The following SPOCK1 variants were observed in gnomAD, a reference collection of about 807,000 sequenced individuals.
SPOCK1 encodes the protein SPARC (osteonectin), cwcv and kazal like domains proteoglycan 1.
In SPOCK1, 23 loss-of-function variants were observed where a neutral mutation model predicts 55.3. That is an observed-to-expected ratio of 0.42 (90% CI 0.30 to 0.59). SPOCK1 has a LOEUF of 0.59. SPOCK1 is among the 20% of genes least tolerant of loss of function. The pLI is 0.22. For missense variants in SPOCK1, 499 were observed against 552.5 expected (o/e 0.90, Z 0.97); for synonymous variants, 226 against 221.0 (o/e 1.02, Z -0.20).
At chr5:137,361,419 A>C (rs1750941297) in intron 2 of SPOCK1, among the ~76,000 whole-genome samples, 1 of 152,222 alleles carries the variant, frequency 6.6e-6, no homozygotes, top group Non-Finnish European at 1.5e-5. Flanking sequence ...GGGATATAAG[A>C]GGCACTAAGG....
chr5:137,061,751 G>T (rs1752396866), intron 6 of SPOCK1, among the ~76,000 whole-genome samples: 1 of 151,978 alleles, frequency 6.6e-6, no homozygotes, highest in African/African-American at 2.4e-5. Context: ...GAGTGGAGGG[G>T]GCGGGTGGGA....
intron 3 of SPOCK1, among the ~76,000 whole-genome samples, chr5:137,226,614 T>C (rs541060996): frequency 1.3e-5 from 2 of 152,242 alleles, no homozygotes; most frequent in East Asian, 1.9e-4. Flanking sequence ...AGACTTTCAT[T>C]TTCACAGCTT....
At chr5:137,440,614 T>TA (rs1290021785) in intron 2 of SPOCK1, among the ~76,000 whole-genome samples, 2 of 152,260 alleles carry the variant, frequency 1.3e-5, no homozygotes, top group South Asian at 4.1e-4. Context: ...GCAATCATCT[T>TA]ACAGAACTCA....
At chr5:137,401,558 C>CAAAAAAAAA (rs34044799) in intron 2 of SPOCK1, among the ~76,000 whole-genome samples, 1 of 100,452 alleles carries the variant, frequency 1.0e-5, no homozygotes, top group Non-Finnish European at 1.9e-5. Flanking sequence ...CTCATCTCTA[C>CAAAAAAAAA]AAAAAAAAAA....
chr5:137,314,506 C>G (rs1775076262), intron 2 of SPOCK1, among the ~76,000 whole-genome samples: 1 of 152,142 alleles, frequency 6.6e-6, no homozygotes, highest in Admixed American at 6.5e-5. Flanking sequence ...TTTTCCTCAC[C>G]TGTACAACAG....
At chr5:137,138,834 G>C (rs527276361) in intron 4 of SPOCK1, among the ~76,000 whole-genome samples, 1 of 151,720 alleles carries the variant, frequency 6.6e-6, no homozygotes, top group African/African-American at 2.4e-5. Flanking sequence ...ATACCTTTTC[G>C]TTGAATGTCA....
chr5:137,008,295 TACACACACACACACACAC>T (rs141325417), intron 6 of SPOCK1, among the ~76,000 whole-genome samples: 6 of 138,414 alleles, frequency 4.3e-5, no homozygotes, highest in African/African-American at 1.6e-4. Flanking sequence ...TAATAATAAA[TACACACACACACACACAC>T]ACACACACAC....
At chr5:137,191,482 A>G (rs1317917366) in intron 3 of SPOCK1, among the ~76,000 whole-genome samples, 1 of 152,238 alleles carries the variant, frequency 6.6e-6, no homozygotes, top group African/African-American at 2.4e-5. Context: ...AGTCTAATGT[A>G]CTTGGACTTT....
chr5:137,269,415 A>T (rs905365875), intron 2 of SPOCK1, among the ~76,000 whole-genome samples: 13 of 152,316 alleles, frequency 8.5e-5, no homozygotes, highest in African/African-American at 3.1e-4. Flanking sequence ...TGCAGCTGAG[A>T]GAGGAAACCT....
intron 6 of SPOCK1, among the ~76,000 whole-genome samples, chr5:137,034,296 A>C (rs1420867549): frequency 3.3e-5 from 5 of 152,148 alleles, no homozygotes; most frequent in African/African-American, 1.2e-4. Context: ...GCCGAGGGGA[A>C]ATCTCCACCC....
At chr5:137,329,353 T>G (rs1758131138) in intron 2 of SPOCK1, among the ~76,000 whole-genome samples, 1 of 152,018 alleles carries the variant, frequency 6.6e-6, no homozygotes, top group Admixed American at 6.6e-5. Context: ...TTCCTTATAA[T>G]AAATCTATTT....
At chr5:137,395,806 C>T (rs75415649) in intron 2 of SPOCK1, among the ~76,000 whole-genome samples, 3 of 152,292 alleles carry the variant, frequency 2.0e-5, no homozygotes, top group East Asian at 3.9e-4. Flanking sequence ...CCAAAGCATG[C>T]TGTTTATCCT....
In SPOCK1 at chr5:137,017,523, C is replaced by T. The variant is rs556969502; in HGVS notation, c.590-24923G>A. Among the ~76,000 whole-genome samples the T allele has an allele frequency of 2.6e-5, 4 of 152,214 alleles. No individual in the cohort carries two copies. In the East Asian group the frequency reaches 7.7e-4, roughly 29 times the overall value. ...CTAATAATTAAAAACTATAATATTG[C>T]AAGATTCTTTAGACAGAACCACAAA... is the stretch of plus-strand genomic sequence containing the variant. On this transcript the variant is annotated intron_variant, in intron 6 of 10. Transcript: ENST00000394945.
chr5:137,251,595 T>C (rs936582258), intron 3 of SPOCK1, among the ~76,000 whole-genome samples: 3 of 152,170 alleles, frequency 2.0e-5, no homozygotes, highest in Admixed American at 6.5e-5. Context: ...TCACCTTCAA[T>C]CCATGAAACT....
At chr5:137,043,981 G>C (rs915747206) in intron 6 of SPOCK1, among the ~76,000 whole-genome samples, 1 of 152,172 alleles carries the variant, frequency 6.6e-6, no homozygotes, top group Non-Finnish European at 1.5e-5. Flanking sequence ...CATGGGTGCA[G>C]GGTATCTGGG....
chr5:137,333,435 G>T (rs1324733441), intron 2 of SPOCK1, among the ~76,000 whole-genome samples: 1 of 152,168 alleles, frequency 6.6e-6, no homozygotes, highest in Non-Finnish European at 1.5e-5. Flanking sequence ...AGACACTGGG[G>T]CCCTCCCCAG....
chr5:137,412,431 G>A (rs1036746610), intron 2 of SPOCK1, among the ~76,000 whole-genome samples: 6 of 152,208 alleles, frequency 3.9e-5, no homozygotes, highest in African/African-American at 1.2e-4. Context: ...CTAAGTATGG[G>A]TAGATGTTTT....
At chr5:137,433,484 A>T (rs6875591) in intron 2 of SPOCK1, among the ~76,000 whole-genome samples, 140,173 of 152,286 alleles carry the variant, frequency 0.92, 65,262 homozygotes, top group East Asian at 1. Flanking sequence ...ACCAGCAGAT[A>T]GGAAGATCTG....
chr5:137,241,606 G>A (rs1397845695), intron 3 of SPOCK1, among the ~76,000 whole-genome samples: 1 of 152,154 alleles, frequency 6.6e-6, no homozygotes, highest in Non-Finnish European at 1.5e-5. Flanking sequence ...CATGAATGAT[G>A]AATGTCAATT....
Sources: gnomAD v4.1 joint callset for allele counts (sites outside exome capture counted in the v4.1 genomes callset) on GRCh38, gnomAD v4.1.1 for gene constraint, MANE v1.5 for transcripts, NCBI Gene and HGNC (gene_info 2026-07-23, HGNC 2026-07-21) for gene names.